The following BRD8 variants were observed in gnomAD, a reference collection of about 807,000 sequenced individuals.
BRD8 encodes the protein bromodomain containing 8, also known as bromodomain-containing protein 8.
Under a neutral mutation model 143.1 loss-of-function variants are expected in BRD8, and 67 were observed. That is an observed-to-expected ratio of 0.47 (90% confidence interval 0.38 to 0.57). BRD8 has a LOEUF of 0.57. Among genes scored for constraint, BRD8 ranks in the 20% least tolerant of loss-of-function variants. The probability of loss-of-function intolerance (pLI) is 0.00; values close to 1 mark genes in which losing one functional copy is unlikely to be tolerated. For synonymous variants in BRD8, 505 were observed against 517.1 expected, an observed-to-expected ratio of 0.98 and a Z score of 0.32; for missense variants, 1,103 against 1,503.0, an observed-to-expected ratio of 0.73 and a Z score of 4.40.
intron 20 of BRD8, among the ~76,000 whole-genome samples, chr5:138,153,676 T>C (rs1752456463): frequency 2.2e-5 from 2 of 92,592 alleles, no homozygotes; most frequent in South Asian, 5.8e-4. Context: ...TTCTTTTCTT[T>C]TTTTTTTTTT....
chr5:138,169,512 G>A, intron 7 of BRD8, 154 bp from the exon 8 acceptor site: 1 of 803,646 alleles, frequency 1.2e-6, no homozygotes, highest in Non-Finnish European at 1.8e-6. Context: ...CACTTCTAGA[G>A]ATGGATAACT....
rs910214494 is a variant in BRD8 at position 138,160,909 on chromosome 5, A to G, written c.2409T>C (p.Asp803=). 2 of 1,609,566 alleles carry G rather than the reference A, an allele frequency of 1.2e-6. No individual in the cohort carries two copies. Among genetic ancestry groups the G allele is most frequent in the Non-Finnish European group, 1.7e-6 (2 of 1,178,088 alleles). The stretch of plus-strand genomic sequence containing the variant: ...AAAGTACCTGGATCTGTTCCAAGAC[A>G]TCTCGCTGCATCTCCACTGCCATGT... ...VYHMAVEMQR[D]VLEQIQQFLA... The change falls in exon 18 of 27, where the codon GAT becomes GAC. Residue 803 remains aspartate (D), a synonymous_variant. Transcript: ENST00000254900.
chr5:138,152,139 A>C (rs1752397999), intron 21 of BRD8, among the ~76,000 whole-genome samples: 1 of 151,614 alleles, frequency 6.6e-6, no homozygotes, highest in South Asian at 2.1e-4. Context: ...TACAGGCATG[A>C]GCCACTGCGC....
intron 25 of BRD8, among the ~76,000 whole-genome samples, chr5:138,144,433 C>T (rs1178908856): frequency 6.6e-6 from 1 of 152,180 alleles, no homozygotes; most frequent in African/African-American, 2.4e-5. Flanking sequence ...AAGAACCCAC[C>T]GGAAGGAACC....
At chr5:138,165,743 A>AAAGC in intron 11 of BRD8, 85 bp downstream of exon 11, 1 of 1,389,310 alleles carries the variant, frequency 7.2e-7, no homozygotes, top group Admixed American at 2.5e-5. Context: ...AAAAAAAAAA[A>AAAGC]AGCAGCAGCA....
chr5:138,156,744 C>G, intron 20 of BRD8: 1 of 773,528 alleles, frequency 1.3e-6, no homozygotes, highest in Non-Finnish European at 1.6e-6. Flanking sequence ...CACACTACAG[C>G]AAGCAGTTCA....
chr5:138,142,037 G>A, intron 25 of BRD8, among the ~76,000 whole-genome samples: 1 of 151,966 alleles, frequency 6.6e-6, no homozygotes, highest in East Asian at 1.9e-4. Context: ...AATCCCAAGT[G>A]CAACAGTATT....
At chr5:138,160,017 A>C in intron 19 of BRD8, 52 bp downstream of exon 19, 1 of 1,414,760 alleles carries the variant, frequency 7.1e-7, no homozygotes, top group Admixed American at 1.7e-5. Context: ...TGGATGCTTC[A>C]GACTTCTACT....
chr5:138,167,948 G>A lies in BRD8; in HGVS notation c.773C>T (p.Ser258Phe). The A allele has an allele frequency of 6.2e-7, 1 of 1,613,650 alleles. No homozygotes were observed. Among genetic ancestry groups the A allele is most frequent in the South Asian group, 1.1e-5 (1 of 91,066 alleles). Residue 258 changes from serine (S) to phenylalanine (F), a missense_variant, in exon 9 of 27, where the codon TCC (serine) becomes TTC (phenylalanine). By Grantham distance (155) the Ser-to-Phe change is radical. Transcript: ENST00000254900. ...IQQTPNTVAA[S>F]PAASGAPTLS... ...TGGTAACTTACCTGATGCAGCAGGGGAGGCTGCAACAGTATTGGGTGTTTG... is the reference window on the plus strand; with the variant it reads ...TGGTAACTTACCTGATGCAGCAGGGAAGGCTGCAACAGTATTGGGTGTTTG...
intron 2 of BRD8, chr5:138,177,105 A>G (rs968341679): frequency 1.5e-5 from 2 of 137,790 alleles, no homozygotes; most frequent in African/African-American, 2.8e-5. Flanking sequence ...AAAAAAAAAA[A>G]TAGGCCTGGC....
chr5:138,150,697 C>T, intron 22 of BRD8, 48 bp downstream of exon 22: 1 of 1,555,118 alleles, frequency 6.4e-7, no homozygotes, highest in African/African-American at 1.4e-5. Context: ...TGTTCTGCTT[C>T]CCTAGGCAGA....
At chr5:138,172,521 CAAAAAAAA>C (rs10547758) in intron 2 of BRD8, among the ~76,000 whole-genome samples, 2 of 24,680 alleles carry the variant, frequency 8.1e-5, no homozygotes, top group South Asian at 2.6e-3. Context: ...GACTCCATCT[CAAAAAAAA>C]AAAAAAAAAA....
rs2151210823 is a variant in BRD8, at chr5:138,169,294, A to T, written c.570T>A (p.Asp190Glu). The T allele has an allele frequency of 1.2e-6, 2 of 1,614,154 alleles. No individual in the cohort carries two copies. Among genetic ancestry groups the T allele is most frequent in the East Asian group, 4.5e-5 (2 of 44,872 alleles). ...LPTVMVRSPI[D>E]SASPGGDYPL... ...GATAATCACCTCCTGGGGAGGCAGA[A>T]TCTATAGGAGAGCGAACCATCACAG... The change falls in exon 8 of 27, where the codon GAT becomes GAA. Residue 190 changes from aspartate to glutamate, a missense_variant. Physicochemically the swap from Asp to Glu is conservative, Grantham distance 45. Coordinates refer to ENST00000254900, the MANE Select transcript of BRD8 (RefSeq NM_139199.2).
In BRD8 at chr5:138,149,743, C is replaced by A. The variant is rs1194115396; in HGVS notation, c.3175G>T (p.Glu1059Ter). The change falls in exon 23 of 27, where the codon GAG becomes TAG. Residue 1059 changes from glutamate to a stop codon, truncating the protein, a stop_gained. Coordinates refer to ENST00000254900, the MANE Select transcript of BRD8 (RefSeq NM_139199.2). LOFTEE classifies it high-confidence loss of function. The stretch of plus-strand genomic sequence containing the variant: ...CCTGAAGGGGGCTGGTCTTCCATCT[C>A]TGACACATATACTTCACCCTGGTCC... ...GEDQGEVYVS[E>*]MEDQPPSGEC... is the part of the protein sequence containing the mutation. The A allele has an allele frequency of 6.2e-7, 1 of 1,613,804 alleles. No homozygotes were observed. Among genetic ancestry groups the A allele is most frequent in the Non-Finnish European group, 8.5e-7 (1 of 1,179,898 alleles).
At chr5:138,148,159 G>GAAAAAAAAAAAA (rs764280222) in intron 23 of BRD8, among the ~76,000 whole-genome samples, 9 of 73,612 alleles carry the variant, frequency 1.2e-4, no homozygotes, top group South Asian at 4.7e-4. Flanking sequence ...TGATGAGCTG[G>GAAAAAAAAAAAA]AAAAAAAAAA....
rs1399108843 is a variant in BRD8, at chr5:138,163,405, A to G, written c.1873-61T>C. 3.2e-6 allele frequency: 5 copies of G among 1,570,978 alleles called. No individual in the cohort carries two copies. In the African/African-American group the frequency reaches 5.4e-5, roughly 17 times the overall value. ...CAAAGCTATCCAGCAAAGCATCATT[A>G]AACATGATCTGTCTTTTGGGTTAGA... On this transcript the variant is annotated intron_variant, in intron 14 of 26. Transcript: ENST00000254900.
chr5:138,168,707 C>A (rs761295037), intron 8 of BRD8: 13 of 1,282,124 alleles, frequency 1.0e-5, no homozygotes, highest in Non-Finnish European at 1.4e-5. Context: ...CAACAGAGAA[C>A]CTTTATCTGA....
intron 24 of BRD8, 76 bp downstream of exon 24, chr5:138,145,713 C>A: frequency 7.9e-7 from 1 of 1,273,058 alleles, no homozygotes; most frequent in Non-Finnish European, 1.1e-6. Context: ...GAACATATCT[C>A]CTTTTATGCT....
At position 138,177,551 on chromosome 5, in the gene BRD8, T is replaced by C. The variant is rs370296336; in HGVS notation, c.116+20A>G. 58 of 1,516,704 alleles carry C rather than the reference T, an allele frequency of 3.8e-5. No homozygotes were observed. The highest frequency in any genetic ancestry group is 4.7e-5 in the Non-Finnish European group (51 of 1,094,204). 94.0% of individuals were successfully genotyped at this position (1,516,704 alleles called of 1,614,324 possible). ...AACAATTTCTAAGACCCAGAAAAGCTGACATCCTAGATACCTTACCAATTT... is the reference window on the plus strand; with the variant it reads ...AACAATTTCTAAGACCCAGAAAAGCCGACATCCTAGATACCTTACCAATTT... On this transcript the variant is annotated intron_variant, in intron 2 of 26. Coordinates refer to ENST00000254900, the MANE Select transcript of BRD8 (RefSeq NM_139199.2).
Sources: gnomAD v4.1 joint callset for allele counts (sites outside exome capture counted in the v4.1 genomes callset) on GRCh38, gnomAD v4.1.1 for gene constraint, MANE v1.5 for transcripts, NCBI Gene and HGNC (gene_info 2026-07-23, HGNC 2026-07-21) for gene names.